Variants in ST8SIA4 observed in about 807,000 individuals in gnomAD.
ST8SIA4 encodes ST8 alpha-N-acetyl-neuraminide alpha-2,8-sialyltransferase 4.
ST8SIA4 carries 15 observed loss-of-function variants against 33.9 expected under a neutral mutation model. The observed-to-expected ratio is 0.44, with a 90% CI of 0.30 to 0.68. The LOEUF (loss-of-function observed/expected upper bound fraction) is 0.68, where lower values mean the gene tolerates loss of function less well. Ranked by LOEUF, ST8SIA4 falls within the 30% of genes least tolerant of loss-of-function variation. ST8SIA4 has a pLI of 0.10. For missense variants in ST8SIA4, 321 were observed against 428.0 expected, an observed-to-expected ratio of 0.75 and a Z score of 2.21; for synonymous variants, 171 against 151.2, an observed-to-expected ratio of 1.13 and a Z score of -0.96.
chr5:100,864,191 C>T (rs972843226), intron 3 of ST8SIA4, among the ~76,000 whole-genome samples: 1 of 152,110 alleles, frequency 6.6e-6, no homozygotes, highest in Non-Finnish European at 1.5e-5. Context: ...ATTCTAACAG[C>T]ATCTGGTTGT....
chr5:100,901,662 A>T (rs550255867), intron 1 of ST8SIA4, among the ~76,000 whole-genome samples: 1 of 152,054 alleles, frequency 6.6e-6, no homozygotes, highest in East Asian at 1.9e-4. Flanking sequence ...TAGCTTTTTC[A>T]TTCTCTTCCA....
At chr5:100,837,500 GT>G (rs1693920050) in intron 4 of ST8SIA4, among the ~76,000 whole-genome samples, 1 of 151,982 alleles carries the variant, frequency 6.6e-6, no homozygotes, top group Admixed American at 6.6e-5. Context: ...AATAGCTGCA[GT>G]TTTCTTCACC....
At chr5:100,850,305 CTTGA>C (rs1010236388) in intron 4 of ST8SIA4, among the ~76,000 whole-genome samples, 1 of 151,786 alleles carries the variant, frequency 6.6e-6, no homozygotes, top group Non-Finnish European at 1.5e-5. Context: ...AAGTGTTTAT[CTTGA>C]TTAATACAAA....
chr5:100,847,200 A>C (rs1751588639), intron 4 of ST8SIA4, among the ~76,000 whole-genome samples: 1 of 152,122 alleles, frequency 6.6e-6, no homozygotes, highest in Non-Finnish European at 1.5e-5. Flanking sequence ...CATAAGACTA[A>C]TTTTAAAACA....
At position 100,808,910 on chromosome 5, in the gene ST8SIA4, T is replaced by C. The variant is rs1217095575; in HGVS notation, c.*2937A>G. 2.6e-5 allele frequency: 4 copies of C among 152,668 alleles called. No homozygotes were observed. The highest frequency in any genetic ancestry group is 1.3e-4 in the Admixed American group (2 of 15,284). 9.5% of individuals were successfully genotyped at this position (152,668 alleles called of 1,614,324 possible). ...CTTTAACTGAATTCATTCTTGACTA[T>C]TGAAATCCCTGAGATGAACAAAAGC... On this transcript the variant is annotated 3_prime_UTR_variant, in exon 5 of 5. Transcript: ENST00000231461.
At chr5:100,880,605 C>T (rs1752398029) in intron 3 of ST8SIA4, among the ~76,000 whole-genome samples, 1 of 152,126 alleles carries the variant, frequency 6.6e-6, no homozygotes, top group African/African-American at 2.4e-5. Context: ...TGAAGAGAGA[C>T]TTTGGCTTTG....
chr5:100,818,380 G>A (rs1019832628), intron 4 of ST8SIA4, among the ~76,000 whole-genome samples: 3 of 152,040 alleles, frequency 2.0e-5, no homozygotes, highest in Non-Finnish European at 4.4e-5. Context: ...TTTTTCAAAG[G>A]TAAATAAGAG....
chr5:100,902,950 G>C lies in ST8SIA4; in HGVS notation c.6C>G (p.Arg2=). The part of the protein sequence containing the change: M[R]SIRKRWTICT... The stretch of plus-strand genomic sequence containing the variant: ...AGATCGTCCACCTCTTCCTAATGGA[G>C]CGCATCTTGGGTGCCCGAGAAAGTC... The change falls in exon 1 of 5, where the codon CGC becomes CGG. Residue 2 remains arginine (R), a synonymous_variant. Transcript: ENST00000231461. 6.2e-7 allele frequency: 1 copy of C among 1,613,946 alleles called. No homozygotes were observed. Among genetic ancestry groups the C allele is most frequent in the Non-Finnish European group, 8.5e-7 (1 of 1,179,838 alleles).
chr5:100,873,496 A>G (rs1488199991), intron 3 of ST8SIA4, among the ~76,000 whole-genome samples: 1 of 152,158 alleles, frequency 6.6e-6, no homozygotes, highest in Non-Finnish European at 1.5e-5. Context: ...TTGTTTAAAC[A>G]AAGTAAGGAG....
rs114294478 is a variant in ST8SIA4, at chr5:100,881,667, C to T, written c.503+4676G>A. Among the ~76,000 whole-genome samples, 1,491 of 152,254 alleles carry T rather than the reference C, an allele frequency of 9.8e-3. 35 individuals carry two copies. Among genetic ancestry groups the T allele is most frequent in the African/African-American group, 0.034 (1,418 of 41,516 alleles). On this transcript the variant is annotated intron_variant, in intron 3 of 4. Coordinates refer to ENST00000231461, the MANE Select transcript of ST8SIA4 (RefSeq NM_005668.6). ...CACTTGATATAGTTTAGCTGGGTCCCCACCCAAATCTCATCTTGCATTGTA... is the reference window on the plus strand; with the variant it reads ...CACTTGATATAGTTTAGCTGGGTCCTCACCCAAATCTCATCTTGCATTGTA...
chr5:100,883,014 C>T (rs113310970), intron 3 of ST8SIA4, among the ~76,000 whole-genome samples: 68 of 152,346 alleles, frequency 4.5e-4, no homozygotes, highest in Middle Eastern at 6.8e-3. Flanking sequence ...CCTACTAGGG[C>T]ACCGCCTAGC....
rs528503600 is a variant in ST8SIA4, at chr5:100,886,115, T to G, written c.503+228A>C. On this transcript the variant is annotated intron_variant, in intron 3 of 4. Coordinates refer to ENST00000231461, the MANE Select transcript of ST8SIA4 (RefSeq NM_005668.6). ...CCCCCCTCACCTCACCAAAAAAAGC[T>G]GTGTGAATCTTGTTGCTATGACAGG... The G allele has an allele frequency of 2.3e-6, 3 of 1,293,810 alleles. No homozygotes were observed. In the African/African-American group the frequency reaches 4.6e-5, roughly 20 times the overall value. 80.1% of individuals were successfully genotyped at this position (1,293,810 alleles called of 1,614,324 possible). A position where few individuals can be genotyped will look rare whatever the true frequency, so the allele number is the denominator to read the frequency against.
At position 100,886,501 on chromosome 5, in the gene ST8SIA4, G is replaced by A. The variant is rs893071022; in HGVS notation, c.345C>T (p.Arg115=). 2 of 1,613,844 alleles carry A rather than the reference G, an allele frequency of 1.2e-6. No individual in the cohort carries two copies. The highest frequency in any genetic ancestry group is 1.3e-5 in the African/African-American group (1 of 75,002). Reference sequence around the variant, plus strand: ...GATCATGAGAAATGTTTAGTGTCCGGCGCCTGTCAAGCACATAGTGTATGA... The same window carrying A: ...GATCATGAGAAATGTTTAGTGTCCGACGCCTGTCAAGCACATAGTGTATGA... The part of the protein sequence containing the change: ...GDVIHYVLDR[R]RTLNISHDLH... The change falls in exon 3 of 5, where the codon CGC becomes CGT. Residue 115 remains arginine, a synonymous_variant. Coordinates refer to ENST00000231461, the MANE Select transcript of ST8SIA4 (RefSeq NM_005668.6).
chr5:100,816,785 G>A (rs899233209), intron 4 of ST8SIA4, among the ~76,000 whole-genome samples: 15 of 151,976 alleles, frequency 9.9e-5, no homozygotes, highest in African/African-American at 2.4e-5. Context: ...TCTTAATTAA[G>A]GAGTCTCCTC....
At chr5:100,848,990 G>T in intron 4 of ST8SIA4, 1 of 360,332 alleles carries the variant, frequency 2.8e-6, no homozygotes, top group Non-Finnish European at 3.9e-6. Flanking sequence ...GATGATGTTG[G>T]GTTAACTTAA....
chr5:100,823,933 T>G (rs758505969), intron 4 of ST8SIA4, among the ~76,000 whole-genome samples: 36 of 152,212 alleles, frequency 2.4e-4, no homozygotes, highest in Admixed American at 5.2e-4. Context: ...AGAATATAAG[T>G]TGATAGAGAT....
chr5:100,846,011 C>G (rs1751562554), intron 4 of ST8SIA4, among the ~76,000 whole-genome samples: 1 of 151,894 alleles, frequency 6.6e-6, no homozygotes, highest in South Asian at 2.1e-4. Flanking sequence ...CTAGCAACAC[C>G]ACAGGCAGGT....
chr5:100,812,248 G>C (rs948045263), intron 4 of ST8SIA4, 119 bp from the exon 5 acceptor site: 1 of 722,234 alleles, frequency 1.4e-6, no homozygotes. Context: ...ATATTTTAAA[G>C]AATTACTGAA....
intron 3 of ST8SIA4, among the ~76,000 whole-genome samples, chr5:100,871,204 G>C (rs964185692): frequency 6.6e-6 from 1 of 151,936 alleles, no homozygotes; most frequent in Non-Finnish European, 1.5e-5. Context: ...TGTCATAAAA[G>C]AGTTAGCATT....
Sources: allele counts gnomAD v4.1 joint callset (sites outside exome capture counted in the v4.1 genomes callset), GRCh38; gene constraint gnomAD v4.1.1; transcripts MANE v1.5; gene names NCBI Gene and HGNC (gene_info 2026-07-23, HGNC 2026-07-21).